RIGI: variants seen among roughly 807,000 people sequenced by gnomAD.
The protein encoded by RIGI is RNA sensor RIG-I.
chr9:32,488,611 CTG>C, the RIGI span: 5 of 1,039,326 alleles, frequency 4.8e-6, no homozygotes, highest in Non-Finnish European at 6.6e-6. Flanking sequence ...GGGATAACAT[CTG>C]GATTATAAAA....
At chr9:32,501,009 G>T in the RIGI span, 1 of 1,562,238 alleles carries the variant, frequency 6.4e-7, no homozygotes, top group Non-Finnish European at 8.7e-7. Flanking sequence ...AACCAGAAAA[G>T]GATCACCAGA....
the RIGI span, among the ~76,000 whole-genome samples, chr9:32,466,908 G>A: frequency 3.3e-5 from 5 of 152,066 alleles, no homozygotes; most frequent in Non-Finnish European, 5.9e-5. Flanking sequence ...GCAGTAAACA[G>A]GCCCTCCTTC....
At chr9:32,499,181 T>C in the RIGI span, among the ~76,000 whole-genome samples, 1 of 151,924 alleles carries the variant, frequency 6.6e-6, no homozygotes, top group East Asian at 1.9e-4. Context: ...TTGAAATGTT[T>C]GTCCAAATTT....
At chr9:32,507,448 A>G in the RIGI span, among the ~76,000 whole-genome samples, 1 of 152,128 alleles carries the variant, frequency 6.6e-6, no homozygotes, top group Non-Finnish European at 1.5e-5. Flanking sequence ...TAATAAAGAT[A>G]TCTTATAATT....
At chr9:32,499,311 G>GTTTTTTTTTTTTTCTT in the RIGI span, among the ~76,000 whole-genome samples, 1 of 81,134 alleles carries the variant, frequency 1.2e-5, no homozygotes, top group Non-Finnish European at 2.3e-5. Flanking sequence ...CAGAGTTTGT[G>GTTTTTTTTTTTTTCTT]ATTTGTTTTT....
At chr9:32,505,812 C>A in the RIGI span, among the ~76,000 whole-genome samples, 1 of 152,134 alleles carries the variant, frequency 6.6e-6, no homozygotes, top group African/African-American at 2.4e-5. Context: ...TCCTTTAACA[C>A]GAAACTAAAA....
the RIGI span, among the ~76,000 whole-genome samples, chr9:32,514,169 G>A: frequency 6.6e-6 from 1 of 152,188 alleles, no homozygotes; most frequent in Non-Finnish European, 1.5e-5. Flanking sequence ...CAGTGTGGGT[G>A]ATTCCTCAAG....
chr9:32,490,324 G>A, the RIGI span, among the ~76,000 whole-genome samples: 4 of 152,310 alleles, frequency 2.6e-5, no homozygotes, highest in Middle Eastern at 3.4e-3. Context: ...AGCTGAGATT[G>A]TGCCACTGCA....
the RIGI span, chr9:32,459,320 C>T: frequency 6.3e-7 from 1 of 1,589,154 alleles, no homozygotes; most frequent in South Asian, 1.2e-5. Flanking sequence ...CAACAGTAAG[C>T]TGTAGCTAGT....
At chr9:32,505,410 T>C in the RIGI span, among the ~76,000 whole-genome samples, 1 of 152,152 alleles carries the variant, frequency 6.6e-6, no homozygotes, top group Admixed American at 6.6e-5. Flanking sequence ...GGTATTTTTA[T>C]TGTGATTGTA....
At chr9:32,455,762 A>G in the RIGI span, 1 of 152,238 alleles carries the variant, frequency 6.6e-6, no homozygotes, top group Non-Finnish European at 1.5e-5. Flanking sequence ...ACTAGTAACT[A>G]TTATCAAGCA....
At chr9:32,483,278 C>T in the RIGI span, among the ~76,000 whole-genome samples, 3 of 152,106 alleles carry the variant, frequency 2.0e-5, no homozygotes, top group Non-Finnish European at 4.4e-5. Flanking sequence ...AGGAGGCTAC[C>T]CAAACAAGTA....
chr9:32,496,410 C>A, the RIGI span, among the ~76,000 whole-genome samples: 31 of 152,222 alleles, frequency 2.0e-4, no homozygotes, highest in South Asian at 6.4e-3. Context: ...AGAAATTCAC[C>A]CTCACTGATG....
At chr9:32,463,165 T>C in the RIGI span, among the ~76,000 whole-genome samples, 7 of 152,168 alleles carry the variant, frequency 4.6e-5, no homozygotes, top group Middle Eastern at 3.2e-3. Context: ...TAATTTCCCC[T>C]TCCCCACTTC....
At chr9:32,491,046 C>T in the RIGI span, among the ~76,000 whole-genome samples, 1 of 151,674 alleles carries the variant, frequency 6.6e-6, no homozygotes, top group African/African-American at 2.4e-5. Context: ...CCAATATAGA[C>T]ACGCCCATAC....
At chr9:32,524,596 G>GTTTTTTTTTTTTTTTTTTTTTTTTT in the RIGI span, among the ~76,000 whole-genome samples, 18 of 67,578 alleles carry the variant, frequency 2.7e-4, 4 homozygotes, top group African/African-American at 8.3e-4. Flanking sequence ...TTGTTTTTCG[G>GTTTTTTTTTTTTTTTTTTTTTTTTT]TTTTTTTTTT....
At chr9:32,492,803 C>T in the RIGI span, among the ~76,000 whole-genome samples, 7 of 152,094 alleles carry the variant, frequency 4.6e-5, no homozygotes, top group African/African-American at 7.2e-5. Flanking sequence ...CTATCCTCAT[C>T]AGCAATATTA....
At chr9:32,508,315 CA>C in the RIGI span, among the ~76,000 whole-genome samples, 4 of 132,548 alleles carry the variant, frequency 3.0e-5, no homozygotes, top group African/African-American at 1.1e-4. Context: ...GCAAGATGGC[CA>C]AAAAAGGAAC....
the RIGI span, chr9:32,492,279 T>TA: frequency 1.7e-6 from 2 of 1,180,110 alleles, no homozygotes; most frequent in African/African-American, 1.5e-5. Flanking sequence ...GGTCTCGCGT[T>TA]AGAGATGTAG....
Sources: gnomAD v4.1 joint callset for allele counts (sites outside exome capture counted in the v4.1 genomes callset) on GRCh38, gnomAD v4.1.1 for gene constraint, MANE v1.5 for transcripts, NCBI Gene and HGNC (gene_info 2026-07-23, HGNC 2026-07-21) for gene names.